Variants in LANCL2 observed in about 807,000 individuals in gnomAD.
LANCL2 encodes LanC like glutathione S-transferase 2, also known as lanC-like protein 2.
In LANCL2, 33 loss-of-function variants were observed where a neutral mutation model predicts 56.9. The observed-to-expected ratio is 0.58, with a 90% CI of 0.44 to 0.78. The LOEUF (loss-of-function observed/expected upper bound fraction) is 0.78, where lower values mean the gene tolerates loss of function less well. LANCL2 is among the 30% of genes least tolerant of loss of function. The probability of loss-of-function intolerance (pLI) is 0.00; values close to 1 mark genes in which losing one functional copy is unlikely to be tolerated. For missense variants in LANCL2, 562 were observed against 580.2 expected, an observed-to-expected ratio of 0.97 and a Z score of 0.32; for synonymous variants, 233 against 228.2, an observed-to-expected ratio of 1.02 and a Z score of -0.19.
chr7:55,401,825 A>C (rs1486195006), intron 5 of LANCL2, among the ~76,000 whole-genome samples: 1 of 127,430 alleles, frequency 7.8e-6, no homozygotes, highest in Non-Finnish European at 1.7e-5. Flanking sequence ...CTGAGTGGAC[A>C]CAGCACATGT....
intron 1 of LANCL2, among the ~76,000 whole-genome samples, chr7:55,374,644 G>GC (rs1789980865): frequency 6.6e-6 from 1 of 152,134 alleles, no homozygotes. Context: ...AACAAAGCAA[G>GC]CCCACACTCT....
intron 1 of LANCL2, among the ~76,000 whole-genome samples, chr7:55,380,047 G>A (rs913661651): frequency 3.9e-5 from 6 of 152,194 alleles, no homozygotes; most frequent in African/African-American, 7.2e-5. Context: ...TGGTTGAGTA[G>A]GAATTATCGT....
In LANCL2 at chr7:55,366,113, G is replaced by C. The variant is rs535137324; in HGVS notation, c.88G>C (p.Asp30His). Residue 30 changes from aspartate to histidine, a missense_variant, in exon 1 of 9, where the codon GAC becomes CAC. Transcript: ENST00000254770. ...ACGGGCGTTCGTCAACCCCTTCCCG[G>C]ACTACGAGGCCGCCGCCGGGGCGCT... ...EERAFVNPFP[D>H]YEAAAGALLA... 39 of 1,546,210 alleles carry C rather than the reference G, an allele frequency of 2.5e-5. No individual in the cohort carries two copies. The East Asian group carries it at 9.0e-4, about 36-fold the overall frequency.
chr7:55,391,518 T>C (rs996005264), intron 1 of LANCL2, among the ~76,000 whole-genome samples: 47 of 136,892 alleles, frequency 3.4e-4, no homozygotes, highest in Non-Finnish European at 6.9e-4. Context: ...GTTAAATCCA[T>C]CCATTTTTCC....
chr7:55,386,982 T>TA (rs1176195075), intron 1 of LANCL2, among the ~76,000 whole-genome samples: 2 of 152,298 alleles, frequency 1.3e-5, no homozygotes, highest in Admixed American at 6.5e-5. Context: ...GAGAGATTGT[T>TA]ATGCAATTTG....
chr7:55,428,808 AT>A (rs1211976227), intron 8 of LANCL2, among the ~76,000 whole-genome samples: 1 of 151,942 alleles, frequency 6.6e-6, no homozygotes, highest in Non-Finnish European at 1.5e-5. Context: ...ACTTAAATAT[AT>A]TTAATATCAT....
At chr7:55,426,593 A>C (rs3778862) in intron 7 of LANCL2, among the ~76,000 whole-genome samples, 42,274 of 152,186 alleles carry the variant, frequency 0.28, 6,390 homozygotes, top group South Asian at 0.39. Context: ...TGGAAGCATG[A>C]AGGAGGCTGT....
intron 1 of LANCL2, among the ~76,000 whole-genome samples, chr7:55,391,025 T>C (rs1790182130): frequency 6.8e-6 from 1 of 146,138 alleles, no homozygotes; most frequent in Non-Finnish European, 1.5e-5. Flanking sequence ...TTTTTTTTTT[T>C]TTTTTTTTTG....
At chr7:55,404,247 C>T (rs1451041651) in intron 5 of LANCL2, among the ~76,000 whole-genome samples, 3 of 152,166 alleles carry the variant, frequency 2.0e-5, no homozygotes, top group Non-Finnish European at 4.4e-5. Flanking sequence ...GCCTCCTCCT[C>T]CTTCTTCTCC....
chr7:55,431,507 A>C lies in LANCL2; in HGVS notation c.*187A>C. The C allele has an allele frequency of 1.8e-6, 1 of 545,660 alleles. No individual in the cohort carries two copies. Among genetic ancestry groups the C allele is most frequent in the Non-Finnish European group, 3.2e-6 (1 of 309,694 alleles). The allele number at this position is 545,660 out of a possible 1,614,324, so 33.8% of individuals were successfully genotyped here. A position where few individuals can be genotyped will look rare whatever the true frequency, so the allele number is the denominator to read the frequency against. ...TTCTAACAGCACCCTCATCAATATA[A>C]AATATGACTTCTTCACATACAGATT... On this transcript the variant is annotated 3_prime_UTR_variant, in exon 9 of 9. Coordinates refer to ENST00000254770, the MANE Select transcript of LANCL2 (RefSeq NM_018697.4).
intron 1 of LANCL2, among the ~76,000 whole-genome samples, chr7:55,377,086 G>C (rs1223075582): frequency 6.6e-6 from 1 of 152,122 alleles, no homozygotes; most frequent in African/African-American, 2.4e-5. Flanking sequence ...AGTAACAGTT[G>C]TTAGAGTGTT....
At chr7:55,389,405 G>A (rs1583748667) in intron 1 of LANCL2, among the ~76,000 whole-genome samples, 1 of 152,184 alleles carries the variant, frequency 6.6e-6, no homozygotes, top group East Asian at 1.9e-4. Context: ...CTAACTGTAT[G>A]TTACACAAGA....
intron 5 of LANCL2, among the ~76,000 whole-genome samples, chr7:55,404,215 G>A (rs1790378107): frequency 6.6e-6 from 1 of 152,106 alleles, no homozygotes. Context: ...TCCCTGCCAA[G>A]CGCACAGCCG....
At chr7:55,429,367 C>A (rs1249248288) in intron 8 of LANCL2, among the ~76,000 whole-genome samples, 1 of 152,112 alleles carries the variant, frequency 6.6e-6, no homozygotes, top group Non-Finnish European at 1.5e-5. Context: ...TAGGGCTGTT[C>A]AAGTTATCTA....
intron 1 of LANCL2, among the ~76,000 whole-genome samples, chr7:55,374,010 T>A (rs1789974083): frequency 6.6e-6 from 1 of 152,274 alleles, no homozygotes; most frequent in African/African-American, 2.4e-5. Flanking sequence ...ATGCAGCAAT[T>A]GTTTAATCAA....
At chr7:55,418,034 C>T (rs1462271416) in intron 6 of LANCL2, among the ~76,000 whole-genome samples, 1 of 152,108 alleles carries the variant, frequency 6.6e-6, no homozygotes, top group East Asian at 1.9e-4. Context: ...TGGTATATCT[C>T]TCCATTTATA....
At chr7:55,401,401 A>C in intron 5 of LANCL2, 81 bp downstream of exon 5, 1 of 1,284,892 alleles carries the variant, frequency 7.8e-7, no homozygotes, top group Non-Finnish European at 1.1e-6. Context: ...TAAACAAAGC[A>C]GTCTGGATTG....
intron 2 of LANCL2, among the ~76,000 whole-genome samples, chr7:55,394,851 G>T (rs183226162): frequency 9.2e-5 from 14 of 152,244 alleles, no homozygotes; most frequent in Non-Finnish European, 2.1e-4. Context: ...GGTGTGCCAG[G>T]AGAAGCTGGG....
At chr7:55,419,203 ATGTT>A (rs1320660042) in intron 6 of LANCL2, among the ~76,000 whole-genome samples, 1 of 152,016 alleles carries the variant, frequency 6.6e-6, no homozygotes, top group Non-Finnish European at 1.5e-5. Context: ...ACTTGCTTAA[ATGTT>A]TGTGGGAAAA....
Sources: allele counts gnomAD v4.1 joint callset (sites outside exome capture counted in the v4.1 genomes callset), GRCh38; gene constraint gnomAD v4.1.1; transcripts MANE v1.5; gene names NCBI Gene and HGNC (gene_info 2026-07-23, HGNC 2026-07-21).